CLPB: variants seen among roughly 807,000 people sequenced by gnomAD.
The protein encoded by CLPB is mitochondrial disaggregase.
CLPB carries 40 observed loss-of-function variants against 78.4 expected under a neutral mutation model. The ratio of observed to expected loss-of-function variants is 0.51; its 90% CI spans 0.40 to 0.66. CLPB has a LOEUF of 0.66. Ranked by LOEUF, CLPB falls within the 30% of genes least tolerant of loss-of-function variation. CLPB has a pLI of 0.00. For synonymous variants in CLPB, 333 were observed against 348.0 expected (o/e 0.96, Z 0.48); for missense variants, 780 against 886.9 (o/e 0.88, Z 1.53).
chr11:72,434,233 T>C lies in CLPB; in HGVS notation c.242A>G (p.Lys81Arg), dbSNP rs1293473561. The part of the protein sequence containing the change: ...GGRQGGRFDT[K>R]CLAAATWGRL... ...TCCCCAAGTGGCAGCCGCGAGGCATTTGGTATCGAAGCGTCCTCCCTGGCG... is the reference window on the plus strand; with the variant it reads ...TCCCCAAGTGGCAGCCGCGAGGCATCTGGTATCGAAGCGTCCTCCCTGGCG... The change falls in exon 1 of 16, where the codon AAA (lysine) becomes AGA (arginine). Residue 81 changes from lysine to arginine, a missense_variant. Physicochemically the swap from Lys to Arg is conservative, Grantham distance 26 (BLOSUM62 2). Coordinates refer to ENST00000538039, the MANE Select transcript of CLPB (RefSeq NM_001258392.3). The C allele has an allele frequency of 5.0e-6, 8 of 1,613,508 alleles. No homozygotes were observed. Among genetic ancestry groups the C allele is most frequent in the Admixed American group, 1.7e-5 (1 of 60,002 alleles).
chr11:72,339,561 A>G (rs1950380979), intron 5 of CLPB, among the ~76,000 whole-genome samples: 1 of 152,232 alleles, frequency 6.6e-6, no homozygotes, highest in Non-Finnish European at 1.5e-5. Flanking sequence ...ACCGCTTAGG[A>G]GGTTTCCTAC....
In CLPB at chr11:72,293,994, G is replaced by A. The variant is rs764396347; in HGVS notation, c.1785+28C>T. Reference sequence around the variant, plus strand: ...GCCCTGGGGAGGGAGGTGTGGAGGCGCCTCATTTCTCAGGCTCCTGTGCTC... The same window carrying A: ...GCCCTGGGGAGGGAGGTGTGGAGGCACCTCATTTCTCAGGCTCCTGTGCTC... On this transcript the variant is annotated intron_variant, in intron 15 of 15. Coordinates refer to ENST00000538039, the MANE Select transcript of CLPB (RefSeq NM_001258392.3). The A allele has an allele frequency of 9.6e-5, 152 of 1,590,200 alleles. 2 individuals are homozygous for A. Among genetic ancestry groups the A allele is most frequent in the South Asian group, 4.1e-4 (37 of 89,394 alleles).
intron 7 of CLPB, among the ~76,000 whole-genome samples, chr11:72,314,395 G>A (rs914367913): frequency 6.6e-6 from 1 of 152,130 alleles, no homozygotes; most frequent in Non-Finnish European, 1.5e-5. Flanking sequence ...CAAAGGTCAA[G>A]GAGTATGGCT....
chr11:72,390,462 AAAAAG>A (rs374507260), intron 3 of CLPB, among the ~76,000 whole-genome samples: 2 of 151,844 alleles, frequency 1.3e-5, no homozygotes, highest in African/African-American at 4.8e-5. Context: ...AGAAAAAAAA[AAAAAG>A]AAAAGAAAAA....
In CLPB at chr11:72,294,075, C is replaced by T. The variant is rs1277862689; in HGVS notation, c.1732G>A (p.Val578Met). The T allele has an allele frequency of 1.2e-6, 2 of 1,614,188 alleles. No individual in the cohort carries two copies. The highest frequency in any genetic ancestry group is 1.7e-5 in the Admixed American group (1 of 60,030). ...TLLWDREVADVLVDGYNVHYG... is the reference protein window; with the variant it reads ...TLLWDREVADMLVDGYNVHYG... ...TGCACATTGTAGCCGTCGACCAGCA[C>T]ATCTGCCACCTCGCGGTCCCAGAGC... Residue 578 changes from valine (V) to methionine (M), a missense_variant, in exon 15 of 16, where the codon GTG (valine) becomes ATG (methionine). By Grantham distance (21) the Val-to-Met change is conservative. Coordinates refer to ENST00000538039, the MANE Select transcript of CLPB (RefSeq NM_001258392.3).
In CLPB at chr11:72,380,376, T is replaced by C; in HGVS notation, c.551A>G (p.Gln184Arg). 6.8e-6 allele frequency: 11 copies of C among 1,613,700 alleles called. No individual in the cohort carries two copies. The highest frequency in any genetic ancestry group is 2.2e-5 in the East Asian group (1 of 44,872). Residue 184 changes from glutamine (Q) to arginine (R), a missense_variant, in exon 4 of 16, where the codon CAG (glutamine) becomes CGG (arginine). By Grantham distance (43) the Gln-to-Arg change is conservative. Transcript: ENST00000538039. Reference sequence around the variant, plus strand: ...ATCAGCCCCAGCAGCAAGCAGGACCTGTACCACACTAGAAGAAATCACAAA... The same window carrying C: ...ATCAGCCCCAGCAGCAAGCAGGACCCGTACCACACTAGAAGAAATCACAAA... ...AAINRNNSVV[Q>R]VLLAAGADPN...
At chr11:72,333,846 C>T (rs1221962720) in intron 5 of CLPB, among the ~76,000 whole-genome samples, 2 of 152,160 alleles carry the variant, frequency 1.3e-5, no homozygotes, top group African/African-American at 2.4e-5. Context: ...ATCCTCCCCT[C>T]CCCGCAGAGC....
At chr11:72,406,283 C>G (rs903715367) in intron 2 of CLPB, among the ~76,000 whole-genome samples, 3 of 152,042 alleles carry the variant, frequency 2.0e-5, no homozygotes, top group South Asian at 2.1e-4. Context: ...CCCATGTTCC[C>G]CTGCCTGGAC....
At chr11:72,308,443 G>A (rs1949783348) in intron 8 of CLPB, 84 bp downstream of exon 8, 2 of 1,219,536 alleles carry the variant, frequency 1.6e-6, no homozygotes, top group East Asian at 4.7e-5. Flanking sequence ...TGCTGACCCT[G>A]GCCCGCAGCA....
intron 9 of CLPB, among the ~76,000 whole-genome samples, chr11:72,303,263 C>T (rs1007887627): frequency 6.6e-6 from 1 of 152,244 alleles, no homozygotes; most frequent in Admixed American, 6.5e-5. Flanking sequence ...TTCACTGAAT[C>T]CTGCTTCTCC....
chr11:72,331,922 C>A (rs1014297619), intron 5 of CLPB, among the ~76,000 whole-genome samples: 5 of 152,130 alleles, frequency 3.3e-5, no homozygotes, highest in African/African-American at 9.6e-5. Flanking sequence ...ACAACAGTAA[C>A]CATTTATTAA....
chr11:72,358,825 AC>A (rs1218704701), intron 5 of CLPB, 54 bp downstream of exon 5: 8 of 13,962 alleles, frequency 5.7e-4, no homozygotes, highest in Non-Finnish European at 1.0e-3. Context: ...CACCCCCCCC[AC>A]CCCACCCCTC....
intron 5 of CLPB, among the ~76,000 whole-genome samples, chr11:72,338,573 T>C (rs1291024886): frequency 1.3e-5 from 2 of 152,244 alleles, no homozygotes; most frequent in Admixed American, 6.5e-5. Flanking sequence ...TCTTTGCCCA[T>C]CACTCAGACT....
At chr11:72,297,742 C>T (rs2135492198) in intron 11 of CLPB, among the ~76,000 whole-genome samples, 1 of 144,748 alleles carries the variant, frequency 6.9e-6, no homozygotes, top group Middle Eastern at 3.6e-3. Context: ...GTGTGTGTTC[C>T]ATACTCACTT....
chr11:72,344,231 C>T (rs1222585965), intron 5 of CLPB, among the ~76,000 whole-genome samples: 1 of 152,038 alleles, frequency 6.6e-6, no homozygotes, highest in Non-Finnish European at 1.5e-5. Context: ...TTTTTTGAGG[C>T]AGGGTCTCAC....
intron 3 of CLPB, among the ~76,000 whole-genome samples, chr11:72,399,015 T>C (rs1286289303): frequency 1.3e-5 from 2 of 151,568 alleles, no homozygotes; most frequent in African/African-American, 4.8e-5. Flanking sequence ...CACCACAGAG[T>C]TTTTAAATAT....
At chr11:72,351,164 G>A (rs1950607545) in intron 5 of CLPB, among the ~76,000 whole-genome samples, 1 of 152,232 alleles carries the variant, frequency 6.6e-6, no homozygotes, top group African/African-American at 2.4e-5. Context: ...AAAAAGTGAT[G>A]TTAGAGAAGG....
rs573367575 is a variant in CLPB, at chr11:72,394,455, C to A, written c.542+8511G>T. On this transcript the variant is annotated intron_variant, in intron 3 of 15. Transcript: ENST00000538039. ...ATGAACACTGGATGCTCTCCTATCC[C>A]CAACTGCCACTCTCCATGAAGACAG... Among the ~76,000 whole-genome samples the A allele has an allele frequency of 1.8e-4, 28 of 152,208 alleles. No homozygotes were observed. In the East Asian group the frequency reaches 5.4e-3, roughly 29 times the overall value.
At chr11:72,418,854 C>CAA (rs913728201) in intron 2 of CLPB, among the ~76,000 whole-genome samples, 50 of 75,224 alleles carry the variant, frequency 6.6e-4, no homozygotes, top group African/African-American at 1.4e-3. Context: ...ACTCCATCTC[C>CAA]AAAAAAAAAA....
Sources: allele counts gnomAD v4.1 joint callset (sites outside exome capture counted in the v4.1 genomes callset), GRCh38; gene constraint gnomAD v4.1.1; transcripts MANE v1.5; gene names NCBI Gene and HGNC (gene_info 2026-07-23, HGNC 2026-07-21).